TMEM74: variants seen among roughly 807,000 people sequenced by gnomAD.
The protein encoded by TMEM74 is transmembrane protein 74.
Under a neutral mutation model 18.1 loss-of-function variants are expected in TMEM74, and 13 were observed. The observed-to-expected ratio is 0.72, with a 90% CI of 0.47 to 1.14. The LOEUF is 1.14. Ranked by LOEUF, TMEM74 falls within the 50% of genes most tolerant of loss-of-function variation. TMEM74 has a pLI of 0.00. For missense variants in TMEM74, 372 were observed against 375.9 expected (o/e 0.99, Z 0.09); for synonymous variants, 159 against 146.6 (o/e 1.08, Z -0.61).
At chr8:108,634,546 A>G (rs911425040) in intron 2 of TMEM74, among the ~76,000 whole-genome samples, 1 of 151,920 alleles carries the variant, frequency 6.6e-6, no homozygotes, top group Non-Finnish European at 1.5e-5. Context: ...AGTTGGAAAG[A>G]TATTCCACTC....
intron 2 of TMEM74, among the ~76,000 whole-genome samples, chr8:108,640,479 T>C (rs1349978450): frequency 6.6e-6 from 1 of 152,124 alleles, no homozygotes; most frequent in East Asian, 1.9e-4. Context: ...CTACTCAGTA[T>C]ATTTATTTTG....
At chr8:108,691,846 A>G (rs1247200627) in intron 1 of TMEM74, among the ~76,000 whole-genome samples, 2 of 152,216 alleles carry the variant, frequency 1.3e-5, no homozygotes, top group African/African-American at 4.8e-5. Flanking sequence ...CTTTTTACAT[A>G]GTACTTTATC....
At chr8:108,697,827 C>T (rs180913455) in intron 1 of TMEM74, among the ~76,000 whole-genome samples, 21 of 152,020 alleles carry the variant, frequency 1.4e-4, no homozygotes, top group Admixed American at 2.6e-4. Flanking sequence ...TCTTTATTTG[C>T]GTTTGTTTTG....
chr8:108,769,963 T>A lies in TMEM74; in HGVS notation n.119+17513A>T, dbSNP rs529208230. 5.9e-5 allele frequency among the ~76,000 whole-genome samples: 9 copies of A among 151,972 alleles called. No individual in the cohort carries two copies. The East Asian group carries it at 1.5e-3, about 26-fold the overall frequency. On this transcript the variant is annotated intron_variant and non_coding_transcript_variant, in intron 1 of 3. Coordinates refer to the TMEM74 transcript ENST00000518838. The stretch of plus-strand genomic sequence containing the variant: ...CCCTTCTAGCATCTTTTTTTTTTTT[T>A]AAACCTGGTATTACAGTGCCCTACA...
chr8:108,740,581 T>C (rs983720867), intron 1 of TMEM74, among the ~76,000 whole-genome samples: 5 of 152,192 alleles, frequency 3.3e-5, no homozygotes, highest in African/African-American at 9.7e-5. Context: ...AGTAAGTCTG[T>C]TGGTGCCATT....
intron 2 of TMEM74, among the ~76,000 whole-genome samples, chr8:108,653,887 G>T (rs1812797162): frequency 6.6e-6 from 1 of 151,958 alleles, no homozygotes; most frequent in Admixed American, 6.6e-5. Flanking sequence ...CTATTTATTT[G>T]TCAATTTTCT....
intron 1 of TMEM74, among the ~76,000 whole-genome samples, chr8:108,706,580 T>C (rs775364225): frequency 6.6e-6 from 1 of 152,242 alleles, no homozygotes; most frequent in Non-Finnish European, 1.5e-5. Context: ...ATTTTGGACC[T>C]ATTACTTTTT....
chr8:108,758,217 A>G (rs1438947027), intron 1 of TMEM74, among the ~76,000 whole-genome samples: 3 of 152,070 alleles, frequency 2.0e-5, no homozygotes, highest in African/African-American at 7.2e-5. Context: ...AACAGAACAA[A>G]TACATTTTAA....
chr8:108,761,711 T>A (rs928646372), intron 1 of TMEM74, among the ~76,000 whole-genome samples: 6 of 152,190 alleles, frequency 3.9e-5, no homozygotes, highest in Non-Finnish European at 8.8e-5. Context: ...CTGGGTGGTA[T>A]AACTGAGTTT....
chr8:108,679,441 TA>T (rs1345372798), intron 1 of TMEM74, among the ~76,000 whole-genome samples: 1 of 152,240 alleles, frequency 6.6e-6, no homozygotes, highest in African/African-American at 2.4e-5. Flanking sequence ...ATTGTCATTC[TA>T]ACTGGTGTGA....
intron 1 of TMEM74, among the ~76,000 whole-genome samples, chr8:108,730,746 C>T (rs570347129): frequency 1.1e-3 from 166 of 151,110 alleles, no homozygotes; most frequent in African/African-American, 4.0e-3. Flanking sequence ...AATTCTTCTT[C>T]CTCAGCCTCC....
intron 1 of TMEM74, among the ~76,000 whole-genome samples, chr8:108,693,897 C>A (rs1001318719): frequency 7.2e-5 from 11 of 152,198 alleles, no homozygotes; most frequent in Admixed American, 3.3e-4. Flanking sequence ...GTTCTTTTTG[C>A]CAGTTTGGCA....
At chr8:108,652,986 G>A in intron 2 of TMEM74, 1 of 244,690 alleles carries the variant, frequency 4.1e-6, no homozygotes, top group Non-Finnish European at 8.2e-6. Context: ...ATTTCCTCTG[G>A]AAAGCCTTGT....
intron 1 of TMEM74, among the ~76,000 whole-genome samples, chr8:108,702,878 G>A (rs1265530087): frequency 6.8e-6 from 1 of 148,056 alleles, no homozygotes; most frequent in Non-Finnish European, 1.5e-5. Context: ...TAAAAATAAA[G>A]CCTGTTAAAA....
chr8:108,782,554 G>C lies in TMEM74; in HGVS notation c.*1627C>G, dbSNP rs1814321223. On this transcript the variant is annotated 3_prime_UTR_variant, in exon 2 of 2. Coordinates refer to ENST00000297459, the MANE Select transcript of TMEM74 (RefSeq NM_153015.3). ...CATACCTCACTCATCAAATCAATCT[G>C]ACACCCATGAGAGCTCATCCACATA... Among the ~76,000 whole-genome samples the C allele has an allele frequency of 6.6e-6, 1 of 151,962 alleles. No homozygotes were observed. Among genetic ancestry groups the C allele is most frequent in the African/African-American group, 2.4e-5 (1 of 41,374 alleles).
At chr8:108,680,388 G>A (rs1282198064) in intron 1 of TMEM74, among the ~76,000 whole-genome samples, 2 of 152,098 alleles carry the variant, frequency 1.3e-5, no homozygotes, top group South Asian at 2.1e-4. Flanking sequence ...ATGTAATCCA[G>A]CATATAAACA....
At chr8:108,691,830 A>G (rs1813235320) in intron 1 of TMEM74, among the ~76,000 whole-genome samples, 1 of 152,212 alleles carries the variant, frequency 6.6e-6, no homozygotes, top group African/African-American at 2.4e-5. Context: ...ATATATGGAA[A>G]TTGCTCTTTT....
intron 2 of TMEM74, among the ~76,000 whole-genome samples, chr8:108,645,267 T>C (rs1812707032): frequency 6.6e-6 from 1 of 152,080 alleles, no homozygotes; most frequent in Non-Finnish European, 1.5e-5. Flanking sequence ...AACCAAATAC[T>C]AAATGTTCTC....
At chr8:108,706,902 C>A (rs1165476384) in intron 1 of TMEM74, among the ~76,000 whole-genome samples, 1 of 151,790 alleles carries the variant, frequency 6.6e-6, no homozygotes, top group Non-Finnish European at 1.5e-5. Flanking sequence ...GTCACAGGGG[C>A]AGTAGATGGA....
Sources: gnomAD v4.1 joint callset for allele counts (sites outside exome capture counted in the v4.1 genomes callset) on GRCh38, gnomAD v4.1.1 for gene constraint, MANE v1.5 for transcripts, NCBI Gene and HGNC (gene_info 2026-07-23, HGNC 2026-07-21) for gene names.